The following GALNT17 variants were observed in gnomAD, a reference collection of about 807,000 sequenced individuals.
The protein encoded by GALNT17 is polypeptide N-acetylgalactosaminyltransferase 17, also known as UDP-GalNAc:polypeptide N-acetylgalactosaminyltransferase-like 3.
Under a neutral mutation model 63.7 loss-of-function variants are expected in GALNT17, and 29 were observed. That is an observed-to-expected ratio of 0.46 (90% CI 0.34 to 0.62). The LOEUF is 0.62. GALNT17 is among the 20% of genes least tolerant of loss of function. The pLI is 0.01. For synonymous variants in GALNT17, 305 were observed against 318.3 expected (o/e 0.96, Z 0.45); for missense variants, 603 against 799.6 (o/e 0.75, Z 2.97).
intron 1 of GALNT17, among the ~76,000 whole-genome samples, chr7:71,331,611 C>A (rs773606914): frequency 4.0e-5 from 6 of 151,870 alleles, no homozygotes; most frequent in Non-Finnish European, 7.4e-5. Context: ...CTTGGGAGGC[C>A]GAGGCAGGAG....
intron 1 of GALNT17, among the ~76,000 whole-genome samples, chr7:71,215,140 G>A (rs563073252): frequency 6.6e-6 from 1 of 152,326 alleles, no homozygotes; most frequent in East Asian, 1.9e-4. Context: ...TTTCGGGAAT[G>A]AATGCCAAGT....
intron 2 of GALNT17, among the ~76,000 whole-genome samples, chr7:71,336,464 A>G (rs1472306730): frequency 1.3e-5 from 2 of 152,122 alleles, no homozygotes; most frequent in East Asian, 1.9e-4. Context: ...AGATAACACC[A>G]TAGATAGTTT....
chr7:71,573,475 C>A (rs914559831), intron 6 of GALNT17, among the ~76,000 whole-genome samples: 5 of 152,080 alleles, frequency 3.3e-5, no homozygotes, highest in Non-Finnish European at 7.4e-5. Flanking sequence ...GGACTACAGG[C>A]GCCTGCCACC....
intron 1 of GALNT17, among the ~76,000 whole-genome samples, chr7:71,139,527 C>T (rs1787847889): frequency 6.6e-6 from 1 of 152,262 alleles, no homozygotes; most frequent in African/African-American, 2.4e-5. Context: ...GTCCTGCCCC[C>T]AAGCCACTCA....
At chr7:71,387,711 G>A (rs956706174) in intron 2 of GALNT17, among the ~76,000 whole-genome samples, 1 of 152,170 alleles carries the variant, frequency 6.6e-6, no homozygotes, top group South Asian at 2.1e-4. Context: ...GAAATGGAGG[G>A]GCTGGAGTCA....
At chr7:71,588,515 C>G (rs1420726868) in intron 6 of GALNT17, among the ~76,000 whole-genome samples, 3 of 152,148 alleles carry the variant, frequency 2.0e-5, no homozygotes, top group African/African-American at 7.2e-5. Flanking sequence ...ATTAAGTTCA[C>G]TTTTGTTTTT....
At chr7:71,651,086 A>G (rs569382525) in intron 6 of GALNT17, among the ~76,000 whole-genome samples, 2 of 152,118 alleles carry the variant, frequency 1.3e-5, no homozygotes, top group Non-Finnish European at 2.9e-5. Context: ...AAGCTGTTGT[A>G]GAGAGAGGAC....
chr7:71,476,996 A>G (rs1482582446), intron 5 of GALNT17, among the ~76,000 whole-genome samples: 1 of 151,900 alleles, frequency 6.6e-6, no homozygotes, highest in East Asian at 1.9e-4. Flanking sequence ...GTGTTACCAC[A>G]TCACCGGCAT....
intron 5 of GALNT17, among the ~76,000 whole-genome samples, chr7:71,554,980 TCTG>T (rs1312172798): frequency 6.6e-6 from 1 of 152,162 alleles, no homozygotes; most frequent in Non-Finnish European, 1.5e-5. Context: ...GGTGCCAACA[TCTG>T]CTTGGCTTCT....
chr7:71,212,890 A>AT (rs1789408620), intron 1 of GALNT17, among the ~76,000 whole-genome samples: 1 of 152,074 alleles, frequency 6.6e-6, no homozygotes, highest in Non-Finnish European at 1.5e-5. Flanking sequence ...CTTGCTTTTG[A>AT]TTTTATAGGC....
intron 5 of GALNT17, among the ~76,000 whole-genome samples, chr7:71,465,909 G>A (rs1421717946): frequency 1.3e-5 from 2 of 152,146 alleles, no homozygotes; most frequent in Non-Finnish European, 2.9e-5. Context: ...TTGTTATGTA[G>A]ATGAAGTCTC....
At chr7:71,274,389 C>T (rs1790647789) in intron 1 of GALNT17, among the ~76,000 whole-genome samples, 1 of 152,138 alleles carries the variant, frequency 6.6e-6, no homozygotes, top group Non-Finnish European at 1.5e-5. Flanking sequence ...AAGTGATCCT[C>T]CTGCCTCAGC....
intron 2 of GALNT17, among the ~76,000 whole-genome samples, chr7:71,365,447 C>A (rs948987856): frequency 1.3e-5 from 2 of 152,196 alleles, no homozygotes; most frequent in Non-Finnish European, 2.9e-5. Flanking sequence ...ACCATGTTGG[C>A]CAGGATGATC....
At chr7:71,370,651 A>G (rs1284799099) in intron 2 of GALNT17, among the ~76,000 whole-genome samples, 1 of 152,004 alleles carries the variant, frequency 6.6e-6, no homozygotes, top group Non-Finnish European at 1.5e-5. Context: ...TATTTTTAGT[A>G]GAGATGGGTT....
chr7:71,280,392 G>GGAT (rs1790759214), intron 1 of GALNT17, among the ~76,000 whole-genome samples: 1 of 152,090 alleles, frequency 6.6e-6, no homozygotes, highest in Non-Finnish European at 1.5e-5. Flanking sequence ...GTGGCATAGG[G>GGAT]GATTATGTCA....
At chr7:71,147,079 T>C (rs1490227136) in intron 1 of GALNT17, among the ~76,000 whole-genome samples, 1 of 152,210 alleles carries the variant, frequency 6.6e-6, no homozygotes, top group African/African-American at 2.4e-5. Context: ...ACTTTATTTC[T>C]AGGGACCAAA....
intron 6 of GALNT17, among the ~76,000 whole-genome samples, chr7:71,652,799 C>T (rs1333818261): frequency 1.3e-5 from 2 of 152,160 alleles, no homozygotes; most frequent in Non-Finnish European, 2.9e-5. Context: ...GAGACACATG[C>T]TCCAGAGGTG....
chr7:71,646,747 C>CT (rs60956531), intron 6 of GALNT17, among the ~76,000 whole-genome samples: 100,628 of 128,012 alleles, frequency 0.79, 42,763 homozygotes, highest in East Asian at 0.97. Context: ...TCCAAGTTTC[C>CT]TTTTTTTTTT....
intron 5 of GALNT17, among the ~76,000 whole-genome samples, chr7:71,457,261 C>G (rs955866265): frequency 6.6e-6 from 1 of 152,158 alleles, no homozygotes; most frequent in African/African-American, 2.4e-5. Flanking sequence ...AGATATGCAC[C>G]TCTTTTGTCT....
Sources: gnomAD v4.1 joint callset for allele counts (sites outside exome capture counted in the v4.1 genomes callset) on GRCh38, gnomAD v4.1.1 for gene constraint, MANE v1.5 for transcripts, NCBI Gene and HGNC (gene_info 2026-07-23, HGNC 2026-07-21) for gene names.